Variants in DLGAP2 observed in about 807,000 individuals in gnomAD.
DLGAP2 encodes the protein DLG associated protein 2.
In DLGAP2, 26 loss-of-function variants were observed where a neutral mutation model predicts 100.3. The observed-to-expected ratio is 0.26, with a 90% confidence interval of 0.19 to 0.36. The LOEUF is 0.36. DLGAP2 is among the 10% of genes least tolerant of loss of function. The pLI, the probability that DLGAP2 is intolerant of heterozygous loss-of-function variation, is 1.00. For missense variants in DLGAP2, 1,858 were observed against 1,453.2 expected (o/e 1.28, Z -4.53); for synonymous variants, 886 against 630.1 (o/e 1.41, Z -6.08).
Position 1,118,454 on chromosome 8 carries a change from C to G in DLGAP2, c.74-140397C>G, listed in dbSNP as rs566445453. On this transcript the variant is annotated intron_variant, in intron 2 of 14. Transcript: ENST00000637795. ...TGCCAAGAAAAGCCTAATTTATTTT[C>G]AGGGCAAAACTTCTGCACTGGGACA... Among the ~76,000 whole-genome samples, 11 of 152,322 alleles carry G rather than the reference C, an allele frequency of 7.2e-5. No homozygotes were observed. In the East Asian group the frequency reaches 1.9e-3, roughly 27 times the overall value.
At chr8:1,129,196 G>A (rs1454564518) in intron 2 of DLGAP2, among the ~76,000 whole-genome samples, 1 of 152,098 alleles carries the variant, frequency 6.6e-6, no homozygotes, top group Admixed American at 6.5e-5. Context: ...ACAAGGTCAG[G>A]AGTTTGAGAC....
At position 1,243,879 on chromosome 8, in the gene DLGAP2, G is replaced by A. The variant is rs1798850313; in HGVS notation, c.74-14972G>A. On this transcript the variant is annotated intron_variant, in intron 2 of 14. Coordinates refer to ENST00000637795, the MANE Select transcript of DLGAP2 (RefSeq NM_001346810.2). ...GTAACCTCACTATCCACATGATTAA[G>A]TCCAGTGCCTCAGCATCTGTTCTCT... Among the ~76,000 whole-genome samples, 4 of 152,150 alleles carry A rather than the reference G, an allele frequency of 2.6e-5. No homozygotes were observed. The South Asian group carries it at 8.3e-4, about 32-fold the overall frequency.
At chr8:1,108,202 C>T (rs1804838838) in intron 2 of DLGAP2, among the ~76,000 whole-genome samples, 1 of 152,170 alleles carries the variant, frequency 6.6e-6, no homozygotes, top group Non-Finnish European at 1.5e-5. Flanking sequence ...TGTCACTGTC[C>T]TTCCTGTCCA....
chr8:1,167,392 CAGAG>C (rs1187284286), intron 2 of DLGAP2, among the ~76,000 whole-genome samples: 1 of 152,054 alleles, frequency 6.6e-6, no homozygotes, highest in South Asian at 2.1e-4. Context: ...AAGAAAAAGG[CAGAG>C]AGGGGTGAGG....
At chr8:903,672 G>A (rs1199676726) in intron 1 of DLGAP2, among the ~76,000 whole-genome samples, 1 of 152,110 alleles carries the variant, frequency 6.6e-6, no homozygotes, top group African/African-American at 2.4e-5. Context: ...GCACGGCCAT[G>A]GAGGACGCCA....
chr8:1,521,247 G>A (rs113258539), intron 4 of DLGAP2, among the ~76,000 whole-genome samples: 1,283 of 82,620 alleles, frequency 0.016, 205 homozygotes, highest in African/African-American at 0.051. Context: ...TTGCACACTT[G>A]TTTTAATTTG....
chr8:899,694 A>G (rs1310485845), intron 1 of DLGAP2, among the ~76,000 whole-genome samples: 1 of 152,260 alleles, frequency 6.6e-6, no homozygotes, highest in Non-Finnish European at 1.5e-5. Context: ...CACATATTCT[A>G]GAAACAAACC....
At chr8:1,575,598 C>G (rs1370292468) in intron 6 of DLGAP2, among the ~76,000 whole-genome samples, 1 of 143,812 alleles carries the variant, frequency 7.0e-6, no homozygotes, top group Admixed American at 7.0e-5. Context: ...AGATATATCT[C>G]CTAATGCTTT....
chr8:1,483,231 C>G (rs1799146645), intron 3 of DLGAP2, among the ~76,000 whole-genome samples: 1 of 152,118 alleles, frequency 6.6e-6, no homozygotes, highest in African/African-American at 2.4e-5. Flanking sequence ...TGGGGAAACT[C>G]AGAAGGTTTT....
chr8:1,245,377 C>A (rs571516136), intron 2 of DLGAP2, among the ~76,000 whole-genome samples: 1 of 152,308 alleles, frequency 6.6e-6, no homozygotes, highest in East Asian at 1.9e-4. Flanking sequence ...GATAAATATG[C>A]TGTGGTCCAT....
intron 6 of DLGAP2, among the ~76,000 whole-genome samples, chr8:1,572,938 G>C (rs1304166037): frequency 6.3e-5 from 9 of 142,994 alleles, no homozygotes; most frequent in Non-Finnish European, 1.1e-4. Context: ...GATGAGAGAG[G>C]GTGAAGTATT....
intron 3 of DLGAP2, among the ~76,000 whole-genome samples, chr8:1,323,181 C>A (rs968373147): frequency 6.6e-6 from 1 of 151,980 alleles, no homozygotes; most frequent in Non-Finnish European, 1.5e-5. Flanking sequence ...AGGCACCAGC[C>A]TCCACGCCCG....
chr8:763,073 A>G (rs2132593311), intron 1 of DLGAP2, among the ~76,000 whole-genome samples: 1 of 152,158 alleles, frequency 6.6e-6, no homozygotes, highest in South Asian at 2.1e-4. Flanking sequence ...GGAGAAAAAA[A>G]AAAAGGGAAG....
At chr8:1,570,557 A>G (rs1482345208) in intron 6 of DLGAP2, among the ~76,000 whole-genome samples, 1 of 152,236 alleles carries the variant, frequency 6.6e-6, no homozygotes, top group Admixed American at 6.5e-5. Context: ...TGGATTTCAC[A>G]TGTTCACCAC....
intron 6 of DLGAP2, among the ~76,000 whole-genome samples, chr8:1,576,692 G>GT (rs1313417691): frequency 6.6e-6 from 1 of 152,172 alleles, no homozygotes; most frequent in Non-Finnish European, 1.5e-5. Context: ...TGGCTAGCCA[G>GT]TTTTCCCAGC....
At chr8:1,175,256 CT>C (rs2116688702) in intron 2 of DLGAP2, among the ~76,000 whole-genome samples, 1 of 151,980 alleles carries the variant, frequency 6.6e-6, no homozygotes, top group South Asian at 2.1e-4. Context: ...AAAAAAAAAC[CT>C]AAGAAGTGTG....
intron 1 of DLGAP2, among the ~76,000 whole-genome samples, chr8:827,292 T>G (rs1170660350): frequency 6.6e-6 from 1 of 152,214 alleles, no homozygotes; most frequent in East Asian, 1.9e-4. Context: ...AACCTTGATA[T>G]AGAACTGTTT....
At chr8:877,744 C>T (rs976509851) in intron 1 of DLGAP2, among the ~76,000 whole-genome samples, 8 of 152,174 alleles carry the variant, frequency 5.3e-5, no homozygotes, top group African/African-American at 7.2e-5. Context: ...CCAATGCTCC[C>T]GAGAGCTCCC....
At chr8:1,198,341 A>T (rs7003876) in intron 2 of DLGAP2, among the ~76,000 whole-genome samples, 83,131 of 152,042 alleles carry the variant, frequency 0.55, 22,877 homozygotes, top group East Asian at 0.69. Flanking sequence ...AAATGACAAC[A>T]ACAGCTTCGT....
Sources: allele counts gnomAD v4.1 joint callset (sites outside exome capture counted in the v4.1 genomes callset), GRCh38; gene constraint gnomAD v4.1.1; transcripts MANE v1.5; gene names NCBI Gene and HGNC (gene_info 2026-07-23, HGNC 2026-07-21).